Variants in CEMIP observed in about 807,000 individuals in gnomAD.
The protein encoded by CEMIP is cell migration inducing hyaluronidase 1, also known as cell migration-inducing and hyaluronan-binding protein.
A neutral mutation model predicts 156.9 loss-of-function variants in CEMIP; 105 were observed. The observed-to-expected ratio is 0.67, with a 90% CI of 0.57 to 0.79. The LOEUF is 0.79. Ranked by LOEUF, CEMIP falls within the 30% of genes least tolerant of loss-of-function variation. The pLI is 0.00. For missense variants in CEMIP, 1,457 were observed against 1,769.4 expected (o/e 0.82, Z 3.17); for synonymous variants, 676 against 668.4 (o/e 1.01, Z -0.17).
rs1038984096 is a variant in CEMIP, at chr15:80,906,198, A to G, written c.1412-465A>G. Among the ~76,000 whole-genome samples the G allele has an allele frequency of 6.6e-6, 1 of 152,188 alleles. No individual in the cohort carries two copies. The highest frequency in any genetic ancestry group is 2.4e-5 in the African/African-American group (1 of 41,446). Reference sequence around the variant, plus strand: ...GTTTCTTCTCTCCCGTTGCTCTGCCATCTCTGGGGCATGGTGCTCACCTGC... The same window carrying G: ...GTTTCTTCTCTCCCGTTGCTCTGCCGTCTCTGGGGCATGGTGCTCACCTGC... On this transcript the variant is annotated intron_variant, in intron 12 of 29. Coordinates refer to ENST00000394685, the MANE Select transcript of CEMIP (RefSeq NM_001293298.2). This position sits in a 1 kb window ranked among gnomAD's most constrained non-coding sequence, Gnocchi z 4.3.
chr15:80,943,261 G>A (rs528278465), intron 28 of CEMIP, among the ~76,000 whole-genome samples, 159 bp downstream of exon 28: 15 of 152,356 alleles, frequency 9.8e-5, no homozygotes, highest in Admixed American at 3.9e-4. Context: ...GGACAAGAGC[G>A]TCCTTGCCTG....
intron 3 of CEMIP, among the ~76,000 whole-genome samples, chr15:80,877,977 TGA>T (rs982778854): frequency 6.6e-6 from 1 of 152,140 alleles, no homozygotes. Flanking sequence ...ACAGCTCAGG[TGA>T]GAGGAAATCA....
At chr15:80,914,133 A>G (rs1487290469) in intron 14 of CEMIP, among the ~76,000 whole-genome samples, 2 of 152,190 alleles carry the variant, frequency 1.3e-5, no homozygotes, top group Non-Finnish European at 2.9e-5. Context: ...TGGGGGATGC[A>G]AAATGGGCCC....
At chr15:80,937,667 A>G in intron 24 of CEMIP, 127 bp from the exon 25 acceptor site, 1 of 847,492 alleles carries the variant, frequency 1.2e-6, no homozygotes, top group East Asian at 2.4e-5. Context: ...GTGCTTTCAA[A>G]ATTTCCCATA....
chr15:80,833,036 C>T (rs1044938029), intron 1 of CEMIP, among the ~76,000 whole-genome samples: 7 of 151,554 alleles, frequency 4.6e-5, no homozygotes, highest in Non-Finnish European at 8.8e-5. Context: ...GTGGAAGGCA[C>T]ATCATTTTTC....
At chr15:80,898,673 A>G (rs557727005) in intron 12 of CEMIP, among the ~76,000 whole-genome samples, 15 of 152,270 alleles carry the variant, frequency 9.9e-5, no homozygotes, top group African/African-American at 3.4e-4. Context: ...CAGCCCTCCC[A>G]AAGTGCCAGG....
intron 12 of CEMIP, among the ~76,000 whole-genome samples, chr15:80,901,956 C>G (rs376941963): frequency 3.7e-4 from 56 of 152,290 alleles, no homozygotes; most frequent in African/African-American, 1.3e-3. Context: ...TGTGAGGAAC[C>G]TGGGTTTAAG....
intron 1 of CEMIP, among the ~76,000 whole-genome samples, chr15:80,799,010 C>T (rs1896302654): frequency 6.6e-6 from 1 of 152,192 alleles, no homozygotes; most frequent in Non-Finnish European, 1.5e-5. Flanking sequence ...ACAGTCTTTC[C>T]TTTATCCGTT....
Position 80,881,078 on chromosome 15 carries a change from C to A in CEMIP, c.559C>A (p.Arg187Ser). ...TTTTTTTGAAAGGAGCTGGGGCCACCGTGGAGTTATTGTTCATGTCATCGA... is the reference window on the plus strand; with the variant it reads ...TTTTTTTGAAAGGAGCTGGGGCCACAGTGGAGTTATTGTTCATGTCATCGA... ...GYFFERSWGH[R>S]GVIVHVIDPK... is the part of the protein sequence containing the mutation. Residue 187 changes from arginine (R) to serine (S), a missense_variant, in exon 6 of 30, where the codon CGT becomes AGT. Physicochemically the swap from Arg to Ser is moderately radical, Grantham distance 110 (BLOSUM62 -1). Around this residue, in one of 5 missense-constraint regions of CEMIP, gnomAD observed 309 missense variants for 340.8 expected, o/e 0.91. Transcript: ENST00000394685. The A allele has an allele frequency of 6.2e-7, 1 of 1,614,154 alleles. No individual in the cohort carries two copies.
intron 1 of CEMIP, among the ~76,000 whole-genome samples, chr15:80,791,370 A>G (rs1896077127): frequency 1.3e-5 from 2 of 152,128 alleles, no homozygotes; most frequent in African/African-American, 4.8e-5. Flanking sequence ...TTCTCACTCT[A>G]GATTATCGGA....
chr15:80,851,939 G>A (rs533070646), intron 1 of CEMIP, among the ~76,000 whole-genome samples: 7 of 152,258 alleles, frequency 4.6e-5, no homozygotes, highest in Middle Eastern at 3.4e-3. Flanking sequence ...CTGGAGATGG[G>A]CTGACCATCA....
chr15:80,808,775 T>C (rs554055469), intron 1 of CEMIP, among the ~76,000 whole-genome samples: 1 of 103,058 alleles, frequency 9.7e-6, no homozygotes, highest in South Asian at 3.2e-4. Context: ...CGAAATAACA[T>C]ATGGGGAAGC....
intron 10 of CEMIP, among the ~76,000 whole-genome samples, chr15:80,893,858 A>G (rs1392708466): frequency 6.9e-6 from 1 of 144,574 alleles, no homozygotes. Flanking sequence ...TTGACTGGCT[A>G]TACTTTCCTT....
At chr15:80,909,383 A>G (rs1899954556) in intron 14 of CEMIP, 77 bp downstream of exon 14, 2 of 1,431,182 alleles carry the variant, frequency 1.4e-6, no homozygotes, top group African/African-American at 1.4e-5. Context: ...TTGGATGTAG[A>G]CACTTAATCC....
chr15:80,866,921 C>A (rs1898145303), intron 1 of CEMIP, among the ~76,000 whole-genome samples: 1 of 152,036 alleles, frequency 6.6e-6, no homozygotes, highest in African/African-American at 2.4e-5. Context: ...CCCTCTCTCG[C>A]CTTTCCTCCC....
intron 12 of CEMIP, among the ~76,000 whole-genome samples, chr15:80,899,659 G>C (rs1454350114): frequency 3.3e-5 from 5 of 152,160 alleles, no homozygotes; most frequent in Non-Finnish European, 7.3e-5. Context: ...GAGAGAGAGG[G>C]AGGGGCCATG....
At chr15:80,843,707 T>G (rs1483680980) in intron 1 of CEMIP, among the ~76,000 whole-genome samples, 2 of 152,250 alleles carry the variant, frequency 1.3e-5, no homozygotes, top group East Asian at 3.8e-4. Context: ...TATATGGAGC[T>G]GGACATATCC....
At chr15:80,788,460 A>G (rs1895996517) in intron 1 of CEMIP, among the ~76,000 whole-genome samples, 1 of 147,698 alleles carries the variant, frequency 6.8e-6, no homozygotes, top group African/African-American at 2.6e-5. Context: ...AGCAAGAGTG[A>G]AACTCCATCT....
Position 80,949,189 on chromosome 15 carries a change from C to T in CEMIP, c.*265C>T, listed in dbSNP as rs1901708573. 1 of 503,626 alleles carries T rather than the reference C, an allele frequency of 2.0e-6. No homozygotes were observed. The highest frequency in any genetic ancestry group is 1.9e-5 in the African/African-American group (1 of 51,594). The allele number at this position is 503,626 out of a possible 1,614,324, so 31.2% of individuals were successfully genotyped here. A position where few individuals can be genotyped will look rare whatever the true frequency, so the allele number is the denominator to read the frequency against. On this transcript the variant is annotated 3_prime_UTR_variant, in exon 30 of 30. Transcript: ENST00000394685. ...CCTGCAGCCTCTTGGGTGCTTCTCT[C>T]CTATCTGTGCCTCTTCAGTGGGGGT...
Sources: allele counts gnomAD v4.1 joint callset (sites outside exome capture counted in the v4.1 genomes callset), GRCh38; gene constraint gnomAD v4.1.1; regional missense constraint gnomAD v4.1.1; non-coding constraint Gnocchi (gnomAD v3.1); transcripts MANE v1.5; gene names NCBI Gene and HGNC (gene_info 2026-07-23, HGNC 2026-07-21).